The following GRIN2A variants were observed in gnomAD, a reference collection of about 807,000 sequenced individuals.
GRIN2A encodes the protein glutamate receptor ionotropic, NMDA 2A.
GRIN2A carries 22 observed loss-of-function variants against 113.4 expected under a neutral mutation model. The ratio of observed to expected loss-of-function variants is 0.19; its 90% CI spans 0.14 to 0.28. GRIN2A has a LOEUF of 0.28. Among genes scored for constraint, GRIN2A ranks in the 10% least tolerant of loss-of-function variants. The pLI is 1.00. For missense variants in GRIN2A, 1,502 were observed against 1,887.0 expected (o/e 0.80, Z 3.78); for synonymous variants, 827 against 738.4 (o/e 1.12, Z -1.94).
chr16:9,953,373 G>A (rs994210539), intron 2 of GRIN2A, among the ~76,000 whole-genome samples: 1 of 152,206 alleles, frequency 6.6e-6, no homozygotes, highest in Non-Finnish European at 1.5e-5. Flanking sequence ...CTGACATACA[G>A]TAGCCACTCT....
chr16:10,076,594 C>T (rs1419516094), intron 2 of GRIN2A, among the ~76,000 whole-genome samples: 1 of 152,132 alleles, frequency 6.6e-6, no homozygotes, highest in East Asian at 1.9e-4. Context: ...TTGTCACAGA[C>T]AATCCAGAGC....
chr16:10,071,323 A>G (rs747424779), intron 2 of GRIN2A, among the ~76,000 whole-genome samples: 3 of 152,224 alleles, frequency 2.0e-5, no homozygotes, highest in Non-Finnish European at 2.9e-5. Context: ...ATTGTCAGTA[A>G]TTGGAATTAC....
At chr16:9,778,801 C>T (rs1901764214) in intron 11 of GRIN2A, among the ~76,000 whole-genome samples, 3 of 152,198 alleles carry the variant, frequency 2.0e-5, no homozygotes, top group Admixed American at 2.0e-4. Flanking sequence ...TTGTCTGACC[C>T]ATGTCCAGTT....
chr16:10,036,681 C>T (rs531741861), intron 2 of GRIN2A, among the ~76,000 whole-genome samples: 24 of 151,448 alleles, frequency 1.6e-4, no homozygotes, highest in Non-Finnish European at 2.9e-4. Context: ...CTCCTGACCT[C>T]GTGATCCGCC....
intron 2 of GRIN2A, among the ~76,000 whole-genome samples, chr16:10,090,779 A>C (rs1196250317): frequency 6.6e-6 from 1 of 152,238 alleles, no homozygotes. Context: ...AACATTTGCA[A>C]ATCATACATA....
chr16:10,151,417 T>C (rs963950526), intron 2 of GRIN2A, among the ~76,000 whole-genome samples: 13 of 152,296 alleles, frequency 8.5e-5, no homozygotes, highest in Admixed American at 7.2e-4. Flanking sequence ...CACCAAGGCA[T>C]TGAAGCATGA....
At chr16:10,016,646 G>A (rs566483838) in intron 2 of GRIN2A, among the ~76,000 whole-genome samples, 1 of 152,162 alleles carries the variant, frequency 6.6e-6, no homozygotes, top group Non-Finnish European at 1.5e-5. Context: ...GAGAGACGAA[G>A]AATTTATTGT....
At chr16:10,061,241 T>A (rs2047545959) in intron 2 of GRIN2A, among the ~76,000 whole-genome samples, 2 of 152,136 alleles carry the variant, frequency 1.3e-5, no homozygotes. Context: ...ACCATGTGCT[T>A]AAGAGTACAA....
intron 2 of GRIN2A, among the ~76,000 whole-genome samples, chr16:10,164,662 G>T (rs897672408): frequency 6.6e-6 from 1 of 152,160 alleles, no homozygotes; most frequent in African/African-American, 2.4e-5. Flanking sequence ...AGAACTCCCC[G>T]CCAGGCTTCA....
intron 11 of GRIN2A, among the ~76,000 whole-genome samples, chr16:9,784,740 A>G (rs1231441745): frequency 2.0e-5 from 3 of 152,210 alleles, no homozygotes; most frequent in African/African-American, 7.2e-5. Flanking sequence ...AAACAAATTT[A>G]CAAGAAAAAA....
At chr16:10,021,670 G>A (rs929496657) in intron 2 of GRIN2A, among the ~76,000 whole-genome samples, 4 of 152,076 alleles carry the variant, frequency 2.6e-5, no homozygotes, top group South Asian at 2.1e-4. Flanking sequence ...AGGGAATGAG[G>A]GGAAGAGCAT....
At chr16:10,035,976 G>A (rs1318130473) in intron 2 of GRIN2A, among the ~76,000 whole-genome samples, 1 of 152,118 alleles carries the variant, frequency 6.6e-6, no homozygotes, top group African/African-American at 2.4e-5. Flanking sequence ...CGCCTGCCTG[G>A]GCCTCCCAAA....
intron 9 of GRIN2A, among the ~76,000 whole-genome samples, chr16:9,825,769 C>G (rs546483101): frequency 6.6e-6 from 1 of 152,258 alleles, no homozygotes; most frequent in South Asian, 2.1e-4. Context: ...GCTGCCTGAA[C>G]TGGGACCACT....
At chr16:10,148,553 T>G (rs1442555095) in intron 2 of GRIN2A, among the ~76,000 whole-genome samples, 1 of 152,202 alleles carries the variant, frequency 6.6e-6, no homozygotes, top group African/African-American at 2.4e-5. Flanking sequence ...TCCACTTGAA[T>G]GTGAAATGAT....
chr16:10,046,817 C>T (rs2047267585), intron 2 of GRIN2A, among the ~76,000 whole-genome samples: 1 of 152,188 alleles, frequency 6.6e-6, no homozygotes, highest in Non-Finnish European at 1.5e-5. Flanking sequence ...CCTACCACCC[C>T]CTTCAGAGGG....
chr16:9,776,140 T>G (rs1901586733), intron 11 of GRIN2A, among the ~76,000 whole-genome samples: 1 of 152,206 alleles, frequency 6.6e-6, no homozygotes. Flanking sequence ...ATATACCAGC[T>G]GCATGGTATT....
At chr16:9,855,720 T>C (rs1307434557) in intron 4 of GRIN2A, among the ~76,000 whole-genome samples, 5 of 152,168 alleles carry the variant, frequency 3.3e-5, no homozygotes, top group South Asian at 2.1e-4. Flanking sequence ...TAATTCTGTA[T>C]GGCAACCATA....
At chr16:9,887,098 G>A (rs1033232423) in intron 4 of GRIN2A, among the ~76,000 whole-genome samples, 1 of 152,100 alleles carries the variant, frequency 6.6e-6, no homozygotes, top group Admixed American at 6.5e-5. Flanking sequence ...TGTTGCCCAG[G>A]TTGGTCTTGA....
intron 2 of GRIN2A, among the ~76,000 whole-genome samples, chr16:10,029,761 G>A (rs553035404): frequency 3.1e-4 from 47 of 152,182 alleles, no homozygotes; most frequent in Non-Finnish European, 4.9e-4. Context: ...TTGGGAGGCC[G>A]AAGGGGGTGT....
Sources: gnomAD v4.1 joint callset for allele counts (sites outside exome capture counted in the v4.1 genomes callset) on GRCh38, gnomAD v4.1.1 for gene constraint, MANE v1.5 for transcripts, NCBI Gene and HGNC (gene_info 2026-07-23, HGNC 2026-07-21) for gene names.